Variants in DCC observed in about 807,000 individuals in gnomAD.
DCC encodes the protein DCC netrin 1 receptor.
In DCC, 58 loss-of-function variants were observed where a neutral mutation model predicts 172.5. The ratio of observed to expected loss-of-function variants is 0.34; its 90% CI spans 0.27 to 0.42. The LOEUF (loss-of-function observed/expected upper bound fraction) is 0.42, where lower values mean the gene tolerates loss of function less well. Among genes scored for constraint, DCC ranks in the 10% least tolerant of loss-of-function variants. The probability of loss-of-function intolerance (pLI) is 1.00; values close to 1 mark genes in which losing one functional copy is unlikely to be tolerated. For missense variants in DCC, 1,740 were observed against 1,791.0 expected, an observed-to-expected ratio of 0.97 and a Z score of 0.51; for synonymous variants, 709 against 644.5, an observed-to-expected ratio of 1.10 and a Z score of -1.52.
At chr18:53,113,399 A>G (rs572960471) in intron 7 of DCC, among the ~76,000 whole-genome samples, 125 of 151,416 alleles carry the variant, frequency 8.3e-4, no homozygotes, top group African/African-American at 2.9e-3. Context: ...ACTTATATTT[A>G]CCCTCATTCG....
intron 9 of DCC, among the ~76,000 whole-genome samples, chr18:53,204,019 A>T (rs986252123): frequency 1.3e-5 from 2 of 152,226 alleles, no homozygotes; most frequent in African/African-American, 4.8e-5. Context: ...GGCTATTCAT[A>T]GTCTCTAATG....
chr18:52,394,650 A>G (rs1986151984), intron 1 of DCC, among the ~76,000 whole-genome samples: 1 of 151,946 alleles, frequency 6.6e-6, no homozygotes, highest in Non-Finnish European at 1.5e-5. Flanking sequence ...CAGGTTTTGG[A>G]GGTCAGACCC....
At chr18:52,617,130 G>A (rs1485615337) in intron 1 of DCC, among the ~76,000 whole-genome samples, 1 of 152,142 alleles carries the variant, frequency 6.6e-6, no homozygotes, top group Non-Finnish European at 1.5e-5. Context: ...AAGGCTTGGT[G>A]AAACAGATTA....
rs965541336 is a variant in DCC, at chr18:53,532,640, C to A, written c.*1987C>A. ...GAAAATATTCATTGGGCTAGCCCAA[C>A]CTTCTCTAGGCCCTAAGAATTATTA... On this transcript the variant is annotated 3_prime_UTR_variant, in exon 29 of 29. Coordinates refer to ENST00000442544, the MANE Select transcript of DCC (RefSeq NM_005215.4). 2 of 152,236 alleles carry A rather than the reference C, an allele frequency of 1.3e-5. No individual in the cohort carries two copies. Among genetic ancestry groups the A allele is most frequent in the East Asian group, 3.9e-4 (2 of 5,172 alleles). 9.4% of individuals were successfully genotyped at this position (152,236 alleles called of 1,614,324 possible).
At chr18:53,394,644 C>T (rs1233914325) in intron 17 of DCC, among the ~76,000 whole-genome samples, 1 of 151,886 alleles carries the variant, frequency 6.6e-6, no homozygotes, top group Non-Finnish European at 1.5e-5. Flanking sequence ...AGTCTCAGCT[C>T]TCAAACTGCA....
chr18:53,273,855 C>T (rs2056775519), intron 12 of DCC, among the ~76,000 whole-genome samples: 1 of 151,974 alleles, frequency 6.6e-6, no homozygotes, highest in African/African-American at 2.4e-5. Flanking sequence ...ACACATGTGA[C>T]CCTGGCACAT....
intron 1 of DCC, among the ~76,000 whole-genome samples, chr18:52,551,274 C>T (rs990751663): frequency 6.6e-6 from 1 of 151,334 alleles, no homozygotes; most frequent in Admixed American, 6.6e-5. Context: ...TAGGAGGGCT[C>T]GGAATAGAAA....
intron 15 of DCC, among the ~76,000 whole-genome samples, chr18:53,379,721 A>G (rs984802464): frequency 6.6e-6 from 1 of 152,126 alleles, no homozygotes; most frequent in Non-Finnish European, 1.5e-5. Flanking sequence ...AGAGCCATCT[A>G]TTTTGGATGC....
At chr18:53,185,664 G>T (rs1038317378) in intron 9 of DCC, among the ~76,000 whole-genome samples, 2 of 152,116 alleles carry the variant, frequency 1.3e-5, no homozygotes, top group Non-Finnish European at 2.9e-5. Flanking sequence ...ATTTCAGAAA[G>T]TTCTCTCAGA....
At chr18:52,587,444 GC>G (rs1309772647) in intron 1 of DCC, among the ~76,000 whole-genome samples, 3 of 152,190 alleles carry the variant, frequency 2.0e-5, no homozygotes, top group African/African-American at 7.2e-5. Context: ...CCGTTGGTGA[GC>G]ACTCATGTGG....
intron 5 of DCC, among the ~76,000 whole-genome samples, chr18:53,027,984 C>T (rs2041979440): frequency 6.6e-6 from 1 of 152,046 alleles, no homozygotes; most frequent in Non-Finnish European, 1.5e-5. Flanking sequence ...GAGACCTGAA[C>T]AGTGATATAT....
At chr18:52,773,759 C>T (rs2037381608) in intron 2 of DCC, among the ~76,000 whole-genome samples, 1 of 152,130 alleles carries the variant, frequency 6.6e-6, no homozygotes, top group Non-Finnish European at 1.5e-5. Flanking sequence ...AAACCCCTGA[C>T]CTCAGGTGAT....
chr18:53,321,368 A>T (rs1035167953), intron 13 of DCC, among the ~76,000 whole-genome samples: 1 of 152,170 alleles, frequency 6.6e-6, no homozygotes, highest in Admixed American at 6.5e-5. Context: ...GTAAGAGGAA[A>T]GTCACTTACA....
intron 5 of DCC, among the ~76,000 whole-genome samples, chr18:53,042,028 C>T (rs1406833363): frequency 6.6e-6 from 1 of 152,032 alleles, no homozygotes; most frequent in Admixed American, 6.6e-5. Flanking sequence ...CTGACCAGAA[C>T]TTCCAATACT....
At chr18:53,131,064 C>A (rs953420993) in intron 7 of DCC, among the ~76,000 whole-genome samples, 5 of 151,914 alleles carry the variant, frequency 3.3e-5, no homozygotes, top group African/African-American at 1.2e-4. Flanking sequence ...TAAAAGGCTG[C>A]GTTAGAAAAT....
intron 2 of DCC, among the ~76,000 whole-genome samples, chr18:52,880,867 G>A (rs2039475411): frequency 6.6e-6 from 1 of 151,976 alleles, no homozygotes; most frequent in Non-Finnish European, 1.5e-5. Flanking sequence ...CTTTTTTTAG[G>A]TATATATGCA....
At chr18:52,911,514 T>TGTCAGAC (rs2039970102) in intron 3 of DCC, among the ~76,000 whole-genome samples, 1 of 152,106 alleles carries the variant, frequency 6.6e-6, no homozygotes, top group African/African-American at 2.4e-5. Context: ...AATCATTCTG[T>TGTCAGAC]GTCAGACCCC....
At chr18:53,462,461 T>C (rs144155070) in intron 24 of DCC, among the ~76,000 whole-genome samples, 5,116 of 151,668 alleles carry the variant, frequency 0.034, 305 homozygotes, top group African/African-American at 0.12. Context: ...GATCTGTCAC[T>C]GTCTCCCATA....
At chr18:53,056,078 A>G (rs1432590340) in intron 5 of DCC, among the ~76,000 whole-genome samples, 5 of 152,130 alleles carry the variant, frequency 3.3e-5, no homozygotes, top group African/African-American at 1.2e-4. Flanking sequence ...GTCCATTCTC[A>G]CACTGCTATA....
Sources: gnomAD v4.1 joint callset for allele counts (sites outside exome capture counted in the v4.1 genomes callset) on GRCh38, gnomAD v4.1.1 for gene constraint, MANE v1.5 for transcripts, NCBI Gene and HGNC (gene_info 2026-07-23, HGNC 2026-07-21) for gene names.